The following EHD2 variants were observed in gnomAD, a reference collection of about 807,000 sequenced individuals.
The protein encoded by EHD2 is EH domain-containing protein 2.
EHD2 carries 27 observed loss-of-function variants against 41.0 expected under a neutral mutation model. The observed-to-expected ratio is 0.66, with a 90% confidence interval of 0.49 to 0.91. The LOEUF (loss-of-function observed/expected upper bound fraction) is 0.91, where lower values mean the gene tolerates loss of function less well. Ranked by LOEUF, EHD2 falls within the 40% of genes least tolerant of loss-of-function variation. The pLI is 0.00. For missense variants in EHD2, 673 were observed against 773.9 expected, an observed-to-expected ratio of 0.87 and a Z score of 1.55; for synonymous variants, 342 against 341.0, an observed-to-expected ratio of 1.00 and a Z score of -0.03.
Position 47,736,515 on chromosome 19 carries a change from T to G in EHD2, c.1062T>G (p.Pro354=). The change falls in exon 5 of 6, where the codon CCT becomes CCG. Residue 354 remains proline (P), a synonymous_variant. Transcript: ENST00000263277. ...LEHHISPGDF[P]DCQKMQELLM... is the part of the protein sequence containing the mutation. Reference sequence around the variant, plus strand: ...ATCACATCTCCCCTGGGGACTTTCCTGATTGCCAGAAAATGCAGGTGGGAA... The same window carrying G: ...ATCACATCTCCCCTGGGGACTTTCCGGATTGCCAGAAAATGCAGGTGGGAA... The G allele has an allele frequency of 6.3e-7, 1 of 1,590,602 alleles. No individual in the cohort carries two copies. Among genetic ancestry groups the G allele is most frequent in the Non-Finnish European group, 8.6e-7 (1 of 1,168,642 alleles).
At chr19:47,740,762 TA>T (rs112872532) in intron 5 of EHD2, 118 bp from the exon 6 acceptor site, 9 of 1,118,318 alleles carry the variant, frequency 8.0e-6, no homozygotes, top group African/African-American at 1.6e-5. Context: ...CAAACAACAG[TA>T]AAAAAACCCC....
chr19:47,722,351 G>C (rs749524982), intron 3 of EHD2, among the ~76,000 whole-genome samples: 89 of 152,220 alleles, frequency 5.8e-4, no homozygotes, highest in Non-Finnish European at 8.5e-4. Context: ...AGGGAGGGGG[G>C]GCTCCAGTTG....
At chr19:47,736,317 C>G (rs371335701) in intron 4 of EHD2, 52 bp from the exon 5 acceptor site, 41 of 1,542,594 alleles carry the variant, frequency 2.7e-5, no homozygotes, top group Non-Finnish European at 3.6e-5. Flanking sequence ...TGTGTTTTAA[C>G]AAGCTCCCTG....
intron 4 of EHD2, chr19:47,731,279 A>AAAATATATATATATGTAT: frequency 6.6e-5 from 4 of 60,928 alleles, no homozygotes; most frequent in African/African-American, 2.0e-4. Context: ...AAAAAAAAAA[A>AAAATATATATATATGTAT]ATATATATAT....
chr19:47,728,100 TA>T (rs10672064), intron 4 of EHD2, among the ~76,000 whole-genome samples: 13,032 of 134,334 alleles, frequency 0.097, 853 homozygotes, highest in Non-Finnish European at 0.14. Flanking sequence ...TGTCTCAAAA[TA>T]AAAAAAAAAA....
chr19:47,728,564 TTTCTTTC>T, intron 4 of EHD2, among the ~76,000 whole-genome samples: 1 of 142,734 alleles, frequency 7.0e-6, no homozygotes, highest in African/African-American at 2.7e-5. Context: ...TTTCTTTTTC[TTTCTTTC>T]TTTTTTTTTT....
chr19:47,742,161 CTTCTT>C lies in EHD2; in HGVS notation c.*732_*736del, dbSNP rs1363198696. On this transcript the variant is annotated 3_prime_UTR_variant, in exon 6 of 6. Coordinates refer to ENST00000263277, the MANE Select transcript of EHD2 (RefSeq NM_014601.4). ...CTTCCTTCTTTTCTTTCCTTCCTTCCTTCTTTTTTGTTTTTGCCCCCAATTCTGCC... is the reference window on the plus strand; with the variant it reads ...CTTCCTTCTTTTCTTTCCTTCCTTCCTTTTGTTTTTGCCCCCAATTCTGCC... 2 of 338,390 alleles carry C rather than the reference CTTCTT, an allele frequency of 5.9e-6. No individual in the cohort carries two copies. Among genetic ancestry groups the C allele is most frequent in the Non-Finnish European group, 1.1e-5 (2 of 174,540 alleles). The allele number at this position is 338,390 out of a possible 1,614,324, so 21.0% of individuals were successfully genotyped here.
chr19:47,739,069 C>G (rs1249310632), intron 5 of EHD2, among the ~76,000 whole-genome samples: 1 of 151,904 alleles, frequency 6.6e-6, no homozygotes, highest in Non-Finnish European at 1.5e-5. Context: ...AGGAATTAAG[C>G]TTTCTTAACT....
Position 47,725,943 on chromosome 19 carries a change from G to A in EHD2, c.634G>A (p.Asp212Asn), listed in dbSNP as rs369840650. The A allele has an allele frequency of 1.9e-6, 3 of 1,613,882 alleles. No homozygotes were observed. The highest frequency in any genetic ancestry group is 2.5e-6 in the Non-Finnish European group (3 of 1,179,822). The change falls in exon 4 of 6, where the codon GAC becomes AAC. Residue 212 changes from aspartate (D) to asparagine (N), a missense_variant. By Grantham distance (23) the Asp-to-Asn change is conservative. Coordinates refer to ENST00000263277, the MANE Select transcript of EHD2 (RefSeq NM_014601.4). ...CATCGGCGCGTTGCGGGGCCATGAG[G>A]ACAAGATCCGCGTGGTGCTCAACAA... Reference protein sequence around the residue: ...EAIGALRGHEDKIRVVLNKAD... With the variant: ...EAIGALRGHENKIRVVLNKAD...
chr19:47,739,595 G>A (rs1407376636), intron 5 of EHD2, among the ~76,000 whole-genome samples: 1 of 94,612 alleles, frequency 1.1e-5, no homozygotes, highest in African/African-American at 5.0e-5. Context: ...AGCGAAACTC[G>A]TCAAAAAAAA....
At chr19:47,736,323 C>T in intron 4 of EHD2, 46 bp from the exon 5 acceptor site, 1 of 1,555,542 alleles carries the variant, frequency 6.4e-7, no homozygotes, top group Non-Finnish European at 8.7e-7. Flanking sequence ...TTAACAAGCT[C>T]CCTGGTGGAC....
chr19:47,721,220 C>T (rs1400871608), intron 3 of EHD2, among the ~76,000 whole-genome samples: 2 of 151,280 alleles, frequency 1.3e-5, no homozygotes, highest in African/African-American at 4.9e-5. Flanking sequence ...TGTGTGGCTG[C>T]CTCTGCATGT....
At position 47,741,630 on chromosome 19, in the gene EHD2, C is replaced by T. The variant is rs376335210; in HGVS notation, c.*198C>T. The T allele has an allele frequency of 2.5e-5, 16 of 643,718 alleles. No homozygotes were observed. The highest frequency in any genetic ancestry group is 4.1e-4 in the Middle Eastern group (1 of 2,432). 39.9% of individuals were successfully genotyped at this position (643,718 alleles called of 1,614,324 possible). On this transcript the variant is annotated 3_prime_UTR_variant, in exon 6 of 6. Coordinates refer to ENST00000263277, the MANE Select transcript of EHD2 (RefSeq NM_014601.4). This position sits in a 1 kb window ranked among gnomAD's most constrained non-coding sequence, Gnocchi z 4.5. ...ACGGGAGGGACAAGGCTTCTCTGTC[C>T]GCCCTTCACACCTCCAGCCTCACGT...
In EHD2 at chr19:47,740,866, T is replaced by C. The variant is rs1357630334; in HGVS notation, c.1081-15T>C. The C allele has an allele frequency of 3.0e-5, 48 of 1,610,714 alleles. No individual in the cohort carries two copies. Among genetic ancestry groups the C allele is most frequent in the Non-Finnish European group, 3.8e-5 (45 of 1,179,306 alleles). ...GCGCCGCTTGAATTCTGGGTGCCCC[T>C]GTCCCCCACCACAGGAGCTGCTGAT... On this transcript the variant is annotated splice_polypyrimidine_tract_variant and intron_variant, in intron 5 of 5. Transcript: ENST00000263277.
At chr19:47,723,461 ACCAT>A (rs1305841131) in intron 3 of EHD2, among the ~76,000 whole-genome samples, 1 of 152,048 alleles carries the variant, frequency 6.6e-6, no homozygotes, top group African/African-American at 2.4e-5. Context: ...AGAGATGGAG[ACCAT>A]CCTGGCCAAC....
chr19:47,738,287 A>T (rs1410777121), intron 5 of EHD2, among the ~76,000 whole-genome samples: 1 of 151,986 alleles, frequency 6.6e-6, no homozygotes, highest in East Asian at 1.9e-4. Flanking sequence ...ATTCAAATGG[A>T]ATGTTAACGT....
At chr19:47,737,044 A>G (rs1395639462) in intron 5 of EHD2, among the ~76,000 whole-genome samples, 1 of 151,944 alleles carries the variant, frequency 6.6e-6, no homozygotes, top group Non-Finnish European at 1.5e-5. Context: ...ATCCTGGCTA[A>G]CACGGTGAAA....
At position 47,718,587 on chromosome 19, in the gene EHD2, C is replaced by G; in HGVS notation, c.483C>G (p.Ala161=). Residue 161 remains alanine, a synonymous_variant, in exon 3 of 6, where the codon GCC becomes GCG. Coordinates refer to ENST00000263277, the MANE Select transcript of EHD2 (RefSeq NM_014601.4). The part of the protein sequence containing the change: ...IIDTPGILSG[A]KQRVSRGYDF... ...ACACCCCGGGTATCCTGTCGGGTGC[C>G]AAGCAGAGAGTGAGCCGCGGTGAGT... 1 of 1,572,544 alleles carries G rather than the reference C, an allele frequency of 6.4e-7. No individual in the cohort carries two copies. Among genetic ancestry groups the G allele is most frequent in the African/African-American group, 1.3e-5 (1 of 74,170 alleles).
chr19:47,718,729 C>T, intron 3 of EHD2, 123 bp downstream of exon 3: 1 of 816,024 alleles, frequency 1.2e-6, no homozygotes, highest in South Asian at 1.7e-5. Flanking sequence ...GGGGTCTGGA[C>T]TCCTGGGTCT....
Sources: gnomAD v4.1 joint callset for allele counts (sites outside exome capture counted in the v4.1 genomes callset) on GRCh38, gnomAD v4.1.1 for gene constraint, Gnocchi (gnomAD v3.1) non-coding constraint, MANE v1.5 for transcripts, NCBI Gene and HGNC (gene_info 2026-07-23, HGNC 2026-07-21) for gene names.